CACNA1I: variants seen among roughly 807,000 people sequenced by gnomAD.
CACNA1I encodes calcium voltage-gated channel subunit alpha1 I.
A neutral mutation model predicts 201.6 loss-of-function variants in CACNA1I; 74 were observed. That is an observed-to-expected ratio of 0.37 (90% CI 0.30 to 0.45). The LOEUF (loss-of-function observed/expected upper bound fraction) is 0.45. CACNA1I is among the 20% of genes least tolerant of loss of function. The pLI, the probability that CACNA1I is intolerant of heterozygous loss-of-function variation, is 1.00. For missense variants in CACNA1I, 2,346 were observed against 3,138.1 expected, an observed-to-expected ratio of 0.75 and a Z score of 6.03; for synonymous variants, 1,431 against 1,345.2, an observed-to-expected ratio of 1.06 and a Z score of -1.40.
At chr22:39,620,265 ATCCATCCATCCATACG>A (rs760599748) in intron 4 of CACNA1I, among the ~76,000 whole-genome samples, 42 of 136,110 alleles carry the variant, frequency 3.1e-4, no homozygotes, top group East Asian at 6.9e-4. Context: ...CCATCCATCC[ATCCATCCATCCATACG>A]TACATACATA....
At chr22:39,583,188 C>G (rs1932631465) in intron 1 of CACNA1I, among the ~76,000 whole-genome samples, 1 of 145,352 alleles carries the variant, frequency 6.9e-6, no homozygotes, top group South Asian at 2.3e-4. Flanking sequence ...ATCCATCCAT[C>G]TATCCAACAA....
intron 25 of CACNA1I, 101 bp from the exon 26 acceptor site, chr22:39,670,702 C>G: frequency 8.9e-6 from 10 of 1,124,138 alleles, no homozygotes; most frequent in Non-Finnish European, 1.1e-5. Flanking sequence ...TTCCTCTTTG[C>G]CCCCTCCCTT....
intron 3 of CACNA1I, among the ~76,000 whole-genome samples, chr22:39,616,894 C>T (rs943041505): frequency 6.6e-6 from 1 of 152,150 alleles, no homozygotes; most frequent in East Asian, 1.9e-4. Context: ...GGTGTCCTCA[C>T]TTAACTGAGA....
chr22:39,662,816 A>C lies in CACNA1I; in HGVS notation c.3413A>C (p.Lys1138Thr). 1 of 1,602,084 alleles carries C rather than the reference A, an allele frequency of 6.2e-7. No individual in the cohort carries two copies. Among genetic ancestry groups the C allele is most frequent in the Non-Finnish European group, 8.5e-7 (1 of 1,174,986 alleles). Residue 1138 changes from lysine (K) to threonine (T), a missense_variant, in exon 18 of 37, where the codon AAG becomes ACG. Lys to Thr is a moderately conservative substitution (Grantham distance 78). Around this residue, in one of 13 missense-constraint regions of CACNA1I, gnomAD observed 158 missense variants for 231.6 expected, o/e 0.68. Transcript: ENST00000402142. ...GTCCGCAAGATGATCGACGTCTATA[A>C]GCCCGACTGGTGCGAGGTCCGCGAA... is the stretch of plus-strand genomic sequence containing the variant. ...FRVRKMIDVYKPDWCEVREDW... is the reference protein window; with the variant it reads ...FRVRKMIDVYTPDWCEVREDW...
In CACNA1I at chr22:39,649,751, G is replaced by A. The variant is rs1204180760; in HGVS notation, c.1818G>A (p.Gly606=). The A allele has an allele frequency of 6.3e-7, 1 of 1,588,178 alleles. No homozygotes were observed. The change falls in exon 10 of 37, where the codon GGG becomes GGA. Residue 606 remains glycine, a synonymous_variant. Coordinates refer to ENST00000402142, the MANE Select transcript of CACNA1I (RefSeq NM_021096.4). This position sits in a 1 kb window ranked among gnomAD's most constrained non-coding sequence, Gnocchi z 7.3. ...AGGACGGAGCCTCCTCAGAACTGGG[G>A]AAGGAGGAGGAGGAGGAGGAGCAGG... The part of the protein sequence containing the change: ...SSEDGASSEL[G]KEEEEEEQAD...
At position 39,679,436 on chromosome 22, in the gene CACNA1I, G is replaced by A. The variant is rs1259087407; in HGVS notation, c.5385G>A (p.Ser1795=). The part of the protein sequence containing the change: ...TEGGLCRRCY[S]PAQENLWLDS... Reference sequence around the variant, plus strand: ...GCGGCTTGTGCCGGCGCTGCTACTCGCCTGCCCAGGTGGGCAGGGGCTGGA... The same window carrying A: ...GCGGCTTGTGCCGGCGCTGCTACTCACCTGCCCAGGTGGGCAGGGGCTGGA... Residue 1795 remains serine (S), a synonymous_variant, in exon 32 of 37, where the codon TCG becomes TCA. Transcript: ENST00000402142. 41 of 1,418,868 alleles carry A rather than the reference G, an allele frequency of 2.9e-5. No individual in the cohort carries two copies. Among genetic ancestry groups the A allele is most frequent in the Non-Finnish European group, 3.5e-5 (38 of 1,098,698 alleles). The allele number at this position is 1,418,868 out of a possible 1,614,324, so 87.9% of individuals were successfully genotyped here.
At position 39,670,225 on chromosome 22, in the gene CACNA1I, G is replaced by A. The variant is rs373284314; in HGVS notation, c.4382G>A (p.Arg1461His). 20 of 1,611,676 alleles carry A rather than the reference G, an allele frequency of 1.2e-5. No individual in the cohort carries two copies. The highest frequency in any genetic ancestry group is 5.5e-5 in the South Asian group (5 of 91,036). Residue 1461 changes from arginine to histidine, a missense_variant, in exon 25 of 37, where the codon CGC becomes CAC. Physicochemically the swap from Arg to His is conservative, Grantham distance 29 (BLOSUM62 0). This residue lies in a region of CACNA1I where 228 missense variants were observed against 395.7 expected (regional missense o/e 0.58). Coordinates refer to ENST00000402142, the MANE Select transcript of CACNA1I (RefSeq NM_021096.4). The stretch of plus-strand genomic sequence containing the variant: ...CGGCTGCGGCGCCTGGAGAAGAAGC[G>A]CCGGAGTGAGTGGGTGCCTGTGGAG... ...EKRLRRLEKK[R>H]RKAQRLPYYA...
At chr22:39,638,549 T>A (rs963511125) in intron 5 of CACNA1I, among the ~76,000 whole-genome samples, 2 of 152,200 alleles carry the variant, frequency 1.3e-5, no homozygotes, top group African/African-American at 4.8e-5. Flanking sequence ...TGTAAAATGA[T>A]CTCATTATTT....
In CACNA1I at chr22:39,679,344, C is replaced by T. The variant is rs1378784990; in HGVS notation, c.5293C>T (p.Pro1765Ser). 9.1e-6 allele frequency: 14 copies of T among 1,542,592 alleles called. No homozygotes were observed. Among genetic ancestry groups the T allele is most frequent in the East Asian group, 2.5e-5 (1 of 40,400 alleles). ...TGGCCTGGGCCCTGGCCCGAGGCTG[C>T]CTACCGGCTCCCCGGGCGCCCCTGG... ...AHGLGPGPRL[P>S]TGSPGAPGRG... The change falls in exon 32 of 37, where the codon CCT (proline) becomes TCT (serine). Residue 1765 changes from proline (P) to serine (S), a missense_variant. Physicochemically the swap from Pro to Ser is moderately conservative, Grantham distance 74 (BLOSUM62 -1). This residue lies in a region of CACNA1I where 441 missense variants were observed against 555.6 expected (regional missense o/e 0.79). Transcript: ENST00000402142.
intron 3 of CACNA1I, among the ~76,000 whole-genome samples, chr22:39,603,243 T>A (rs1933120062): frequency 1.3e-5 from 2 of 152,232 alleles, no homozygotes; most frequent in Admixed American, 1.3e-4. Context: ...CTCTGCTGTC[T>A]CCTTCTGGAA....
intron 4 of CACNA1I, among the ~76,000 whole-genome samples, chr22:39,631,177 T>C (rs1934052260): frequency 1.3e-5 from 2 of 152,192 alleles, no homozygotes; most frequent in Admixed American, 1.3e-4. Context: ...CCTCTGTAGA[T>C]GAGGCCACTG....
chr22:39,654,897 G>A (rs1287803139), intron 10 of CACNA1I, among the ~76,000 whole-genome samples: 5 of 152,168 alleles, frequency 3.3e-5, no homozygotes, highest in African/African-American at 4.8e-5. Context: ...CCTTGGAGCT[G>A]GTTTTATCCT....
rs185171896 is a variant in CACNA1I at position 39,637,447 on chromosome 22, C to T, written c.740+2723C>T. On this transcript the variant is annotated intron_variant, in intron 5 of 36. Coordinates refer to ENST00000402142, the MANE Select transcript of CACNA1I (RefSeq NM_021096.4). Reference sequence around the variant, plus strand: ...AGGCAACCCCACTGCTGCGGTGTGGCGTGTGGGTTAGAAATCGGAGCCCCA... The same window carrying T: ...AGGCAACCCCACTGCTGCGGTGTGGTGTGTGGGTTAGAAATCGGAGCCCCA... Among the ~76,000 whole-genome samples the T allele has an allele frequency of 3.7e-3, 557 of 152,190 alleles. 5 individuals are homozygous for T. Among genetic ancestry groups the T allele is most frequent in the African/African-American group, 0.012 (518 of 41,516 alleles).
chr22:39,668,405 A>G, intron 24 of CACNA1I, 24 bp downstream of exon 24: 1 of 1,492,752 alleles, frequency 6.7e-7, no homozygotes, highest in Non-Finnish European at 9.3e-7. Context: ...GGACCAGGCC[A>G]AGCCTTGATG....
At chr22:39,620,151 C>G (rs1933695100) in intron 4 of CACNA1I, among the ~76,000 whole-genome samples, 1 of 118,850 alleles carries the variant, frequency 8.4e-6, no homozygotes, top group South Asian at 2.9e-4. Flanking sequence ...ACCCACCCAT[C>G]CATCCACCCA....
In CACNA1I at chr22:39,679,208, C is replaced by T. The variant is rs757427427; in HGVS notation, c.5157C>T (p.Phe1719=). Residue 1719 remains phenylalanine (F), a synonymous_variant, in exon 32 of 37, where the codon TTC becomes TTT. Transcript: ENST00000402142. ...YFVSFVLTAQ[F]VLINVVVAVL... is the part of the protein sequence containing the mutation. ...TGAGCTTCGTGCTCACCGCGCAGTTCGTGCTCATCAACGTGGTGGTGGCTG... is the reference window on the plus strand; with the variant it reads ...TGAGCTTCGTGCTCACCGCGCAGTTTGTGCTCATCAACGTGGTGGTGGCTG... 39 of 1,593,164 alleles carry T rather than the reference C, an allele frequency of 2.4e-5. No homozygotes were observed. The highest frequency in any genetic ancestry group is 1.7e-4 in the African/African-American group (13 of 74,640).
In CACNA1I at chr22:39,649,604, G is replaced by T; in HGVS notation, c.1671G>T (p.Gln557His). 6.5e-7 allele frequency: 1 copy of T among 1,540,088 alleles called. No homozygotes were observed. Among genetic ancestry groups the T allele is most frequent in the Non-Finnish European group, 8.8e-7 (1 of 1,141,986 alleles). Reference protein sequence around the residue: ...ASDPASCPCCQHEDGRRPSGL... With the variant: ...ASDPASCPCCHHEDGRRPSGL... ...ATCCCGCCAGCTGCCCTTGCTGCCA[G>T]CATGAGGACGGCCGGCGGCCCTCGG... is the stretch of plus-strand genomic sequence containing the variant. Residue 557 changes from glutamine (Q) to histidine (H), a missense_variant, in exon 10 of 37, where the codon CAG becomes CAT. Gln to His is a conservative substitution (Grantham distance 24, BLOSUM62 0). This residue lies in a region of CACNA1I where 312 missense variants were observed against 331.5 expected (regional missense o/e 0.94). Coordinates refer to ENST00000402142, the MANE Select transcript of CACNA1I (RefSeq NM_021096.4). This position sits in a 1 kb window ranked among gnomAD's most constrained non-coding sequence, Gnocchi z 7.3.
At chr22:39,577,888 C>A (rs1264541120) in intron 1 of CACNA1I, among the ~76,000 whole-genome samples, 2 of 152,234 alleles carry the variant, frequency 1.3e-5, no homozygotes, top group Non-Finnish European at 2.9e-5. Flanking sequence ...AAGTTCCTTG[C>A]CCTTGCTGAG....
chr22:39,686,229 C>G lies in CACNA1I; in HGVS notation c.6496C>G (p.His2166Asp). The G allele has an allele frequency of 8.0e-7, 1 of 1,245,374 alleles. No homozygotes were observed. The highest frequency in any genetic ancestry group is 3.2e-5 in the South Asian group (1 of 31,408). 77.1% of individuals were successfully genotyped at this position (1,245,374 alleles called of 1,614,324 possible). ...CAGCCTGGCCGCCCCCGGCCGCCCC[C>G]ACGCCGCCGCCCTGGCCCACGGCCT... ...TSSLAAPGRPHAAALAHGLAR... is the reference protein window; with the variant it reads ...TSSLAAPGRPDAAALAHGLAR... The change falls in exon 37 of 37, where the codon CAC becomes GAC. Residue 2166 changes from histidine to aspartate, a missense_variant. This residue lies in a region of CACNA1I where 187 missense variants were observed against 151.0 expected (regional missense o/e 1.24). Coordinates refer to ENST00000402142, the MANE Select transcript of CACNA1I (RefSeq NM_021096.4).
Sources: allele counts gnomAD v4.1 joint callset (sites outside exome capture counted in the v4.1 genomes callset), GRCh38; gene constraint gnomAD v4.1.1; regional missense constraint gnomAD v4.1.1; non-coding constraint Gnocchi (gnomAD v3.1); transcripts MANE v1.5; gene names NCBI Gene and HGNC (gene_info 2026-07-23, HGNC 2026-07-21).